TUBGCP6: variants seen among roughly 807,000 people sequenced by gnomAD.
TUBGCP6 encodes tubulin gamma complex component 6.
Under a neutral mutation model 175.8 loss-of-function variants are expected in TUBGCP6, and 161 were observed. The observed-to-expected ratio is 0.92, with a 90% CI of 0.81 to 1.04. The LOEUF (loss-of-function observed/expected upper bound fraction) is 1.04, where lower values mean the gene tolerates loss of function less well. TUBGCP6 is among the 50% of genes least tolerant of loss of function. The pLI is 0.00. For synonymous variants in TUBGCP6, 1,173 were observed against 1,030.5 expected (o/e 1.14, Z -2.65); for missense variants, 2,572 against 2,433.0 (o/e 1.06, Z -1.20).
intron 2 of TUBGCP6, among the ~76,000 whole-genome samples, chr22:50,237,714 A>G (rs2064793752): frequency 6.6e-6 from 1 of 152,158 alleles, no homozygotes; most frequent in African/African-American, 2.4e-5. Context: ...GCCGGGCCCC[A>G]CCGTGCGGGA....
At chr22:50,234,523 A>T (rs1039343550) in intron 2 of TUBGCP6, among the ~76,000 whole-genome samples, 6 of 126,260 alleles carry the variant, frequency 4.8e-5, no homozygotes, top group Non-Finnish European at 6.5e-5. Context: ...AGCAGCATCC[A>T]CACCCAGTTC....
Position 50,221,879 on chromosome 22 carries a change from A to C in TUBGCP6, c.2485-5T>G. 1 of 1,515,358 alleles carries C rather than the reference A, an allele frequency of 6.6e-7. No homozygotes were observed. The highest frequency in any genetic ancestry group is 8.8e-7 in the Non-Finnish European group (1 of 1,131,764). 93.9% of individuals were successfully genotyped at this position (1,515,358 alleles called of 1,614,324 possible). A position where few individuals can be genotyped will look rare whatever the true frequency, so the allele number is the denominator to read the frequency against. On this transcript the variant is annotated splice_region_variant and splice_polypyrimidine_tract_variant and intron_variant, in intron 15 of 24. Coordinates refer to ENST00000248846, the MANE Select transcript of TUBGCP6 (RefSeq NM_020461.4). Reference sequence around the variant, plus strand: ...CTCAGGGCCCGGAGACGTGACCTGAAACACAGGTGACATCAGACCCAGTCT... The same window carrying C: ...CTCAGGGCCCGGAGACGTGACCTGACACACAGGTGACATCAGACCCAGTCT...
At chr22:50,224,480 AC>A in intron 11 of TUBGCP6, 30 bp downstream of exon 11, 1 of 1,614,064 alleles carries the variant, frequency 6.2e-7, no homozygotes, top group Non-Finnish European at 8.5e-7. Context: ...GCCCCCCGGA[AC>A]TGCAGAAGGG....
Position 50,218,000 on chromosome 22 carries a change from CG to C in TUBGCP6, c.5285del (p.Pro1762ArgfsTer30). 6.2e-7 allele frequency: 1 copy of C among 1,611,986 alleles called. No individual in the cohort carries two copies. Among genetic ancestry groups the C allele is most frequent in the Non-Finnish European group, 8.5e-7 (1 of 1,179,382 alleles). Reference protein sequence around the residue: ...ISQAWGPPGGPRGAEHPNFAL... With the variant: ...ISQAWGPPGGXRGAEHPNFAL... ...CAAAGTTGGGGTGCTCTGCACCCCG[CG>C]GGCCCCCAGGGGGCCCCCAGGCCTG... On this transcript the variant is annotated frameshift_variant, in exon 24 of 25. Coordinates refer to ENST00000248846, the MANE Select transcript of TUBGCP6 (RefSeq NM_020461.4). LOFTEE classifies it high-confidence loss of function.
In TUBGCP6 at chr22:50,221,835, C is replaced by T. The variant is rs2064529036; in HGVS notation, c.2524G>A (p.Gly842Ser). The change falls in exon 16 of 25, where the codon GGC (glycine) becomes AGC (serine). Residue 842 changes from glycine (G) to serine (S), a missense_variant. Transcript: ENST00000248846. ...PGPEHPEGGQGCDSGSAEQHS... is the reference protein window; with the variant it reads ...PGPEHPEGGQSCDSGSAEQHS... Reference sequence around the variant, plus strand: ...TGCTCTGCAGACCCAGAATCACAGCCTTGGCCTCCCTCTGGGTGCTCAGGG... The same window carrying T: ...TGCTCTGCAGACCCAGAATCACAGCTTTGGCCTCCCTCTGGGTGCTCAGGG... 6.6e-7 allele frequency: 1 copy of T among 1,512,310 alleles called. No individual in the cohort carries two copies. The highest frequency in any genetic ancestry group is 8.8e-7 in the Non-Finnish European group (1 of 1,130,904). The allele number at this position is 1,512,310 out of a possible 1,614,324, so 93.7% of individuals were successfully genotyped here.
At chr22:50,224,094 G>T in intron 13 of TUBGCP6, 47 bp downstream of exon 13, 1 of 1,557,890 alleles carries the variant, frequency 6.4e-7, no homozygotes, top group South Asian at 1.1e-5. Context: ...GAGCTATGGG[G>T]CCCCTGCCGC....
Position 50,218,832 on chromosome 22 carries a change from C to G in TUBGCP6, c.4692G>C (p.Lys1564Asn). The part of the protein sequence containing the change: ...NPLVLNSVLS[K>N]ALQCSLHGDT... ...CCCCATGCAGGCTGCACTGCAGGGC[C>G]TTGCTCAGCACAGAGTTCAGCACCA... The change falls in exon 21 of 25, where the codon AAG becomes AAC. Residue 1564 changes from lysine (K) to asparagine (N), a missense_variant. Coordinates refer to ENST00000248846, the MANE Select transcript of TUBGCP6 (RefSeq NM_020461.4). 1 of 1,614,120 alleles carries G rather than the reference C, an allele frequency of 6.2e-7. No homozygotes were observed.
chr22:50,233,728 C>T (rs543140991), intron 2 of TUBGCP6, among the ~76,000 whole-genome samples: 8 of 152,112 alleles, frequency 5.3e-5, no homozygotes, highest in Non-Finnish European at 1.2e-4. Context: ...CCAGCACGAT[C>T]GATTCTATCA....
chr22:50,240,222 C>A lies in TUBGCP6; in HGVS notation c.887G>T (p.Cys296Phe), dbSNP rs1364541840. Reference sequence around the variant, plus strand: ...CACACACCAGCCAACTCGCTCCCAGCACCTCCGCTTGCTGGCCTCATAGGT... The same window carrying A: ...CACACACCAGCCAACTCGCTCCCAGAACCTCCGCTTGCTGGCCTCATAGGT... ...ALTYEASKRR[C>F]WERVGCPPGH... The change falls in exon 2 of 25, where the codon TGC becomes TTC. Residue 296 changes from cysteine to phenylalanine, a missense_variant. Transcript: ENST00000248846. 1 of 1,613,824 alleles carries A rather than the reference C, an allele frequency of 6.2e-7. No individual in the cohort carries two copies. Among genetic ancestry groups the A allele is most frequent in the African/African-American group, 1.3e-5 (1 of 74,936 alleles).
At chr22:50,227,635 G>A (rs958833805) in intron 5 of TUBGCP6, among the ~76,000 whole-genome samples, 1 of 152,204 alleles carries the variant, frequency 6.6e-6, no homozygotes, top group African/African-American at 2.4e-5. Flanking sequence ...TGTACCGGAC[G>A]CCACATCTCC....
intron 4 of TUBGCP6, among the ~76,000 whole-genome samples, chr22:50,228,427 A>G (rs2064646037): frequency 6.6e-6 from 1 of 152,064 alleles, no homozygotes; most frequent in South Asian, 2.1e-4. Flanking sequence ...GTGCACAGAC[A>G]CTAGTGCTGT....
intron 4 of TUBGCP6, among the ~76,000 whole-genome samples, chr22:50,228,410 G>A (rs796695960): frequency 3.0e-4 from 45 of 152,214 alleles, no homozygotes; most frequent in Middle Eastern, 3.4e-3. Context: ...AATGGCGGCC[G>A]TGCTCTGTGC....
At chr22:50,226,900 C>A in intron 6 of TUBGCP6, 58 bp from the exon 7 acceptor site, 1 of 1,554,922 alleles carries the variant, frequency 6.4e-7, no homozygotes, top group South Asian at 1.2e-5. Context: ...GGGAGTGAGG[C>A]GCAGCCCTGC....
chr22:50,234,953 G>A (rs115404171), intron 2 of TUBGCP6, among the ~76,000 whole-genome samples: 174 of 132,474 alleles, frequency 1.3e-3, no homozygotes, highest in African/African-American at 4.8e-3. Flanking sequence ...CCACACTCCC[G>A]TCCATGGCAG....
chr22:50,229,642 C>G, intron 3 of TUBGCP6, 65 bp from the exon 4 acceptor site: 1 of 1,496,324 alleles, frequency 6.7e-7, no homozygotes. Context: ...AAGGTGCCGT[C>G]TCCCTCCACC....
rs145127676 is a variant in TUBGCP6 at position 50,237,899 on chromosome 22, G to A, written c.905+2305C>T. The stretch of plus-strand genomic sequence containing the variant: ...GCACTTTGGGAGGCCGAGGCGGGTG[G>A]ATCACCTGACGGTGGGAGTTCAAGA... On this transcript the variant is annotated intron_variant, in intron 2 of 24. Transcript: ENST00000248846. Among the ~76,000 whole-genome samples, 1,202 of 152,282 alleles carry A rather than the reference G, an allele frequency of 7.9e-3. 16 individuals carry two copies. Among genetic ancestry groups the A allele is most frequent in the African/African-American group, 0.027 (1,141 of 41,554 alleles).
intron 2 of TUBGCP6, among the ~76,000 whole-genome samples, chr22:50,239,554 T>C (rs1004224521): frequency 1.3e-5 from 2 of 152,146 alleles, no homozygotes; most frequent in African/African-American, 4.8e-5. Flanking sequence ...AGGTGCTGAG[T>C]GCAGAGGCCT....
intron 6 of TUBGCP6, 57 bp downstream of exon 6, chr22:50,226,942 A>ACCCCCGTTTCCTGGAGCCC: frequency 6.3e-7 from 1 of 1,579,274 alleles, no homozygotes; most frequent in Admixed American, 1.8e-5. Context: ...ACGCTCAGCC[A>ACCCCCGTTTCCTGGAGCCC]CCCCCGTTTC....
Position 50,224,393 on chromosome 22 carries a change from A to G in TUBGCP6, c.2093T>C (p.Leu698Ser), listed in dbSNP as rs770074986. ...AAACTGCTCACGCTTCCGGGCATCC[A>G]AGGCCATCCGTTCTGACATCTGCCG... ...SDRQMSERMA[L>S]DARKREQFQR... Residue 698 changes from leucine (L) to serine (S), a missense_variant, in exon 12 of 25, where the codon TTG becomes TCG. Physicochemically the swap from Leu to Ser is moderately radical, Grantham distance 145. Transcript: ENST00000248846. 3.7e-6 allele frequency: 6 copies of G among 1,614,134 alleles called. No individual in the cohort carries two copies. The East Asian group carries it at 1.3e-4, about 36-fold the overall frequency.
Sources: gnomAD v4.1 joint callset for allele counts (sites outside exome capture counted in the v4.1 genomes callset) on GRCh38, gnomAD v4.1.1 for gene constraint, MANE v1.5 for transcripts, NCBI Gene and HGNC (gene_info 2026-07-23, HGNC 2026-07-21) for gene names.